Variants in CTNNA2 observed in about 807,000 individuals in gnomAD.
The protein encoded by CTNNA2 is catenin alpha-2.
Under a neutral mutation model 101.0 loss-of-function variants are expected in CTNNA2, and 42 were observed. The ratio of observed to expected loss-of-function variants is 0.42; its 90% CI spans 0.32 to 0.54. The LOEUF is 0.54. Ranked by LOEUF, CTNNA2 falls within the 20% of genes least tolerant of loss-of-function variation. The pLI, the probability that CTNNA2 is intolerant of heterozygous loss-of-function variation, is 0.14. For missense variants in CTNNA2, 871 were observed against 1,223.1 expected (o/e 0.71, Z 4.29); for synonymous variants, 450 against 456.4 (o/e 0.99, Z 0.18).
chr2:80,208,323 A>C (rs1402952923), intron 7 of CTNNA2, among the ~76,000 whole-genome samples: 1 of 152,234 alleles, frequency 6.6e-6, no homozygotes, highest in Non-Finnish European at 1.5e-5. Flanking sequence ...CAACTGTTAA[A>C]TATAGATGGA....
intron 7 of CTNNA2, among the ~76,000 whole-genome samples, chr2:80,133,725 G>A (rs955655164): frequency 1.2e-4 from 19 of 152,136 alleles, no homozygotes; most frequent in African/African-American, 4.1e-4. Flanking sequence ...ACCTTGACAG[G>A]TGTTCTTTAA....
In CTNNA2 at chr2:80,211,123, G is replaced by T. The variant is rs565232787; in HGVS notation, c.1057-182088G>T. On this transcript the variant is annotated intron_variant, in intron 7 of 18. Transcript: ENST00000402739. Reference sequence around the variant, plus strand: ...TGTAGATTCTGGATATTAGCCCCTTGTCAGATGGGTAGATTGCAAGAATTT... The same window carrying T: ...TGTAGATTCTGGATATTAGCCCCTTTTCAGATGGGTAGATTGCAAGAATTT... Among the ~76,000 whole-genome samples the T allele has an allele frequency of 2.6e-5, 4 of 152,306 alleles. No homozygotes were observed. The East Asian group carries it at 7.7e-4, about 29-fold the overall frequency.
At chr2:80,554,914 T>G (rs1692890679) in intron 11 of CTNNA2, among the ~76,000 whole-genome samples, 1 of 152,170 alleles carries the variant, frequency 6.6e-6, no homozygotes. Flanking sequence ...TTGTTAAAAC[T>G]GCAAGGGAAT....
chr2:79,201,096 C>G (rs1276921717), intron 2 of CTNNA2, among the ~76,000 whole-genome samples: 1 of 151,926 alleles, frequency 6.6e-6, no homozygotes, highest in East Asian at 1.9e-4. Context: ...TTCCCCCCCC[C>G]TTTTTTTGTG....
chr2:79,594,131 C>T (rs1427672447), intron 1 of CTNNA2, among the ~76,000 whole-genome samples: 2 of 151,914 alleles, frequency 1.3e-5, no homozygotes, highest in African/African-American at 4.8e-5. Context: ...TCAAGTGATC[C>T]ACCACCTCGG....
At chr2:80,386,866 A>G (rs1319367358) in intron 7 of CTNNA2, among the ~76,000 whole-genome samples, 1 of 152,148 alleles carries the variant, frequency 6.6e-6, no homozygotes, top group Admixed American at 6.5e-5. Context: ...ACCATGTCCC[A>G]CATATTAATA....
intron 7 of CTNNA2, among the ~76,000 whole-genome samples, chr2:80,223,662 T>C (rs1035491079): frequency 6.6e-6 from 1 of 152,228 alleles, no homozygotes; most frequent in African/African-American, 2.4e-5. Context: ...CACAGGACAC[T>C]CTTTAATCTG....
intron 2 of CTNNA2, among the ~76,000 whole-genome samples, chr2:79,297,883 C>T (rs1339275733): frequency 6.6e-6 from 1 of 152,144 alleles, no homozygotes; most frequent in Non-Finnish European, 1.5e-5. Context: ...TCATTGGAAA[C>T]AAATAACTGC....
chr2:80,453,830 G>C (rs1439709389), intron 9 of CTNNA2, among the ~76,000 whole-genome samples: 1 of 152,106 alleles, frequency 6.6e-6, no homozygotes, highest in Non-Finnish European at 1.5e-5. Flanking sequence ...TGTTTTTCTT[G>C]ATGGTAATTT....
intron 7 of CTNNA2, among the ~76,000 whole-genome samples, chr2:80,236,347 G>A (rs1008033103): frequency 1.3e-5 from 2 of 152,104 alleles, no homozygotes; most frequent in Admixed American, 6.6e-5. Context: ...TTGCTCGTTC[G>A]GATGATGGCA....
chr2:80,474,654 A>G (rs1337768653), intron 9 of CTNNA2, among the ~76,000 whole-genome samples: 1 of 152,168 alleles, frequency 6.6e-6, no homozygotes, highest in Non-Finnish European at 1.5e-5. Context: ...ATGACAAACC[A>G]AAGGGCCTTC....
intron 2 of CTNNA2, among the ~76,000 whole-genome samples, chr2:79,737,311 C>T (rs953843487): frequency 5.3e-5 from 8 of 150,824 alleles, no homozygotes; most frequent in Admixed American, 1.3e-4. Flanking sequence ...ATTGTGCCAC[C>T]ACTCTCCAGC....
intron 3 of CTNNA2, among the ~76,000 whole-genome samples, chr2:79,784,247 G>C (rs1674669647): frequency 6.6e-6 from 1 of 151,828 alleles, no homozygotes; most frequent in Non-Finnish European, 1.5e-5. Flanking sequence ...GCTTATTGTT[G>C]GTTAAAGACC....
intron 3 of CTNNA2, among the ~76,000 whole-genome samples, chr2:79,365,730 C>T (rs757833572): frequency 1.5e-4 from 23 of 151,116 alleles, no homozygotes; most frequent in Non-Finnish European, 3.2e-4. Flanking sequence ...TGATTAGAGA[C>T]GAGAAGGAAA....
chr2:79,532,917 C>T (rs1672831816), intron 1 of CTNNA2, among the ~76,000 whole-genome samples: 1 of 152,082 alleles, frequency 6.6e-6, no homozygotes, highest in South Asian at 2.1e-4. Context: ...GACTCAAGCT[C>T]ATAGCTCCCA....
At chr2:80,162,714 C>T in intron 7 of CTNNA2, 1 of 1,612,196 alleles carries the variant, frequency 6.2e-7, no homozygotes, top group Non-Finnish European at 8.5e-7. Context: ...AAAACTATGA[C>T]TGTGTGATTG....
intron 7 of CTNNA2, among the ~76,000 whole-genome samples, chr2:80,179,406 C>T (rs1419190430): frequency 6.6e-6 from 1 of 152,096 alleles, no homozygotes; most frequent in Non-Finnish European, 1.5e-5. Flanking sequence ...CGGAGTCTCG[C>T]TCTGTCGCCC....
chr2:80,057,195 A>G (rs1697273706), intron 7 of CTNNA2, among the ~76,000 whole-genome samples: 1 of 148,116 alleles, frequency 6.8e-6, no homozygotes, highest in South Asian at 2.1e-4. Context: ...TTTTTTAAGG[A>G]AGACTGAGAC....
chr2:80,496,885 A>G (rs1165957326), intron 9 of CTNNA2, among the ~76,000 whole-genome samples: 2 of 152,182 alleles, frequency 1.3e-5, no homozygotes, highest in Non-Finnish European at 2.9e-5. Flanking sequence ...TTATTTTTGA[A>G]CTGCTACTAA....
Sources: gnomAD v4.1 joint callset for allele counts (sites outside exome capture counted in the v4.1 genomes callset) on GRCh38, gnomAD v4.1.1 for gene constraint, MANE v1.5 for transcripts, NCBI Gene and HGNC (gene_info 2026-07-23, HGNC 2026-07-21) for gene names.